CADM2: variants seen among roughly 807,000 people sequenced by gnomAD.
CADM2 encodes cell adhesion molecule 2.
A neutral mutation model predicts 49.8 loss-of-function variants in CADM2; 12 were observed. The ratio of observed to expected loss-of-function variants is 0.24; its 90% CI spans 0.15 to 0.39. The LOEUF (loss-of-function observed/expected upper bound fraction) is 0.39. CADM2 is among the 10% of genes least tolerant of loss of function. The pLI is 1.00. For synonymous variants in CADM2, 214 were observed against 175.4 expected (o/e 1.22, Z -1.74); for missense variants, 378 against 492.3 (o/e 0.77, Z 2.20).
intron 1 of CADM2, among the ~76,000 whole-genome samples, chr3:85,681,609 A>G (rs2066040886): frequency 6.6e-6 from 1 of 152,118 alleles, no homozygotes; most frequent in Non-Finnish European, 1.5e-5. Flanking sequence ...GACCTTAGAA[A>G]TCATCTAAAA....
At chr3:85,152,880 C>A (rs559089023) in intron 1 of CADM2, among the ~76,000 whole-genome samples, 1 of 150,736 alleles carries the variant, frequency 6.6e-6, no homozygotes, top group African/African-American at 2.4e-5. Flanking sequence ...AGGAGAATGG[C>A]GTGAACCCAG....
chr3:85,827,149 T>G (rs2073953261), intron 3 of CADM2, among the ~76,000 whole-genome samples: 1 of 151,826 alleles, frequency 6.6e-6, no homozygotes. Context: ...ATTAAGAAAA[T>G]CACACTAGGT....
At chr3:85,730,627 C>CT (rs1232102268) in intron 2 of CADM2, among the ~76,000 whole-genome samples, 3 of 152,032 alleles carry the variant, frequency 2.0e-5, no homozygotes, top group Non-Finnish European at 4.4e-5. Context: ...TGCTTTGCCA[C>CT]TTAGAGGAGA....
chr3:85,277,343 T>C (rs1480295680), intron 1 of CADM2, among the ~76,000 whole-genome samples: 2 of 151,322 alleles, frequency 1.3e-5, no homozygotes, highest in Non-Finnish European at 1.5e-5. Context: ...AATCTTCCTC[T>C]CCCTAAAACG....
At chr3:85,543,973 A>T (rs2061606714) in intron 1 of CADM2, among the ~76,000 whole-genome samples, 1 of 152,220 alleles carries the variant, frequency 6.6e-6, no homozygotes, top group South Asian at 2.1e-4. Flanking sequence ...TATGTTCAGT[A>T]AAACTTCATT....
chr3:85,967,667 G>A (rs539328224), intron 8 of CADM2, among the ~76,000 whole-genome samples: 2 of 151,610 alleles, frequency 1.3e-5, no homozygotes, highest in Admixed American at 1.3e-4. Flanking sequence ...CATAGTAAAT[G>A]TGTAGCTAGG....
chr3:85,843,883 A>C (rs1261908342), intron 3 of CADM2, among the ~76,000 whole-genome samples: 1 of 149,502 alleles, frequency 6.7e-6, no homozygotes, highest in Non-Finnish European at 1.5e-5. Context: ...GTTTCATGTG[A>C]GTGTATGTGT....
At chr3:85,696,759 CTAAGACATTATTATAGA>C (rs2066569840) in intron 1 of CADM2, among the ~76,000 whole-genome samples, 1 of 151,718 alleles carries the variant, frequency 6.6e-6, no homozygotes. Context: ...TTGGTATCTA[CTAAGACATTATTATAGA>C]TAAGAATTAC....
chr3:84,960,009 C>T, intron 1 of CADM2: 1 of 409,388 alleles, frequency 2.4e-6, no homozygotes, highest in Non-Finnish European at 4.4e-6. Context: ...TTCCACCCTC[C>T]CGACAACCCC....
At chr3:85,092,797 C>A (rs984588690) in intron 1 of CADM2, among the ~76,000 whole-genome samples, 30 of 152,066 alleles carry the variant, frequency 2.0e-4, no homozygotes, top group Non-Finnish European at 8.8e-5. Context: ...TTCTTTAAGC[C>A]ATTCTATGGT....
intron 1 of CADM2, among the ~76,000 whole-genome samples, chr3:85,028,682 C>G (rs2034843553): frequency 6.6e-6 from 1 of 151,932 alleles, no homozygotes. Context: ...TGTGAGCATA[C>G]AGAAGACTGG....
intron 1 of CADM2, among the ~76,000 whole-genome samples, chr3:85,510,818 T>G (rs1559877848): frequency 6.6e-6 from 1 of 151,998 alleles, no homozygotes; most frequent in Non-Finnish European, 1.5e-5. Flanking sequence ...TGTAATACTG[T>G]GCTAGGTATT....
chr3:85,662,242 T>C (rs184241692), intron 1 of CADM2, among the ~76,000 whole-genome samples: 9 of 151,558 alleles, frequency 5.9e-5, no homozygotes, highest in Non-Finnish European at 7.4e-5. Context: ...GGTTTTTTTT[T>C]TTTTTTGGTA....
At chr3:85,520,309 A>T (rs983408678) in intron 1 of CADM2, among the ~76,000 whole-genome samples, 7 of 151,810 alleles carry the variant, frequency 4.6e-5, no homozygotes, top group African/African-American at 1.7e-4. Context: ...TATATAAAAT[A>T]TTTATTTTAT....
intron 8 of CADM2, among the ~76,000 whole-genome samples, chr3:85,985,814 A>G (rs1728036065): frequency 6.6e-6 from 1 of 152,058 alleles, no homozygotes; most frequent in Non-Finnish European, 1.5e-5. Context: ...GTTGAGCTAT[A>G]TAAATTGAAA....
chr3:85,267,098 T>C (rs891063332), intron 1 of CADM2, among the ~76,000 whole-genome samples: 1 of 151,614 alleles, frequency 6.6e-6, no homozygotes, highest in Non-Finnish European at 1.5e-5. Context: ...ATGTATATCT[T>C]CATTCTAAAT....
At chr3:85,569,465 C>G (rs2062411829) in intron 1 of CADM2, among the ~76,000 whole-genome samples, 1 of 152,120 alleles carries the variant, frequency 6.6e-6, no homozygotes. Context: ...AAATGCCCAG[C>G]AGTGCAATTA....
intron 2 of CADM2, among the ~76,000 whole-genome samples, chr3:85,762,821 C>G (rs564678287): frequency 6.6e-6 from 1 of 151,330 alleles, no homozygotes; most frequent in East Asian, 1.9e-4. Context: ...TTGATATTTG[C>G]TTTTCCCCAG....
chr3:85,120,628 G>A (rs2038825732), intron 1 of CADM2, among the ~76,000 whole-genome samples: 1 of 152,092 alleles, frequency 6.6e-6, no homozygotes, highest in Admixed American at 6.6e-5. Context: ...GATGAACAGT[G>A]AGAACACATG....
Sources: allele counts gnomAD v4.1 joint callset (sites outside exome capture counted in the v4.1 genomes callset), GRCh38; gene constraint gnomAD v4.1.1; transcripts MANE v1.5; gene names NCBI Gene and HGNC (gene_info 2026-07-23, HGNC 2026-07-21).